PERP: variants seen among roughly 807,000 people sequenced by gnomAD.
PERP encodes p53 apoptosis effector related to PMP-22.
In PERP, 11 loss-of-function variants were observed where a neutral mutation model predicts 20.3. That is an observed-to-expected ratio of 0.54 (90% CI 0.34 to 0.90). The LOEUF (loss-of-function observed/expected upper bound fraction) is 0.90. PERP is among the 40% of genes least tolerant of loss of function. PERP has a pLI of 0.02. For synonymous variants in PERP, 101 were observed against 102.0 expected (o/e 0.99, Z 0.06); for missense variants, 224 against 249.4 (o/e 0.90, Z 0.69).
intron 1 of PERP, among the ~76,000 whole-genome samples, chr6:138,100,646 A>G (rs1456983320): frequency 6.6e-6 from 1 of 152,118 alleles, no homozygotes; most frequent in Non-Finnish European, 1.5e-5. Flanking sequence ...CCACAAAAGC[A>G]TTCAGTACTC....
At position 138,107,355 on chromosome 6, in the gene PERP, C is replaced by T. The variant is rs1227943614; in HGVS notation, c.-15G>A. 1.3e-6 allele frequency: 2 copies of T among 1,573,338 alleles called. No homozygotes were observed. Among genetic ancestry groups the T allele is most frequent in the Non-Finnish European group, 1.7e-6 (2 of 1,165,428 alleles). ...CAGCGGATCATGTTGACGGGCGGCGCGGGGCCGAGCGGAGCGGAGCGGAGC... is the reference window on the plus strand; with the variant it reads ...CAGCGGATCATGTTGACGGGCGGCGTGGGGCCGAGCGGAGCGGAGCGGAGC... On this transcript the variant is annotated 5_prime_UTR_variant, in exon 1 of 3. Coordinates refer to ENST00000421351, the MANE Select transcript of PERP (RefSeq NM_022121.5). The surrounding 1 kb of genome is among the most constrained non-coding windows in gnomAD (Gnocchi z 4.8).
In PERP at chr6:138,106,903, C is replaced by CTTTTTTTTTTTTT. The variant is rs577977770; in HGVS notation, c.214+223_214+224insAAAAAAAAAAAAA. Among the ~76,000 whole-genome samples, 413 of 134,320 alleles carry CTTTTTTTTTTTTT rather than the reference C, an allele frequency of 3.1e-3. 13 individuals are homozygous for CTTTTTTTTTTTTT. The highest frequency in any genetic ancestry group is 6.2e-3 in the South Asian group (25 of 4,048). 88.1% of individuals were successfully genotyped at this position (134,320 alleles called of 152,430 possible). A position where few individuals can be genotyped will look rare whatever the true frequency, so the allele number is the denominator to read the frequency against. ...AAAACTATACAGTTTGAACTACGGC[C>CTTTTTTTTTTTTT]TTTTTTTTTTTTCTGTTTCTGAGCT... On this transcript the variant is annotated intron_variant, in intron 1 of 2. Transcript: ENST00000421351.
At chr6:138,092,948 C>A (rs1775614018) in intron 2 of PERP, among the ~76,000 whole-genome samples, 1 of 152,076 alleles carries the variant, frequency 6.6e-6, no homozygotes, top group Non-Finnish European at 1.5e-5. Context: ...AGCAAATGAT[C>A]ACAGTGCTTA....
chr6:138,105,875 A>T (rs768990036), intron 1 of PERP, among the ~76,000 whole-genome samples: 2 of 152,188 alleles, frequency 1.3e-5, no homozygotes, highest in Non-Finnish European at 2.9e-5. Context: ...GGCACAGTGT[A>T]TGGGTTTTCA....
chr6:138,100,665 T>C (rs1293551824), intron 1 of PERP, among the ~76,000 whole-genome samples: 1 of 152,126 alleles, frequency 6.6e-6, no homozygotes, highest in East Asian at 1.9e-4. Context: ...TCCAGGTAAA[T>C]AGATGCTGCG....
chr6:138,100,107 A>G (rs1775749423), intron 1 of PERP, among the ~76,000 whole-genome samples: 1 of 152,218 alleles, frequency 6.6e-6, no homozygotes, highest in Non-Finnish European at 1.5e-5. Context: ...AAGTAAAGCA[A>G]TCTGCCTTCT....
At chr6:138,096,684 G>A (rs998915243) in intron 1 of PERP, among the ~76,000 whole-genome samples, 190 bp from the exon 2 acceptor site, 1 of 152,132 alleles carries the variant, frequency 6.6e-6, no homozygotes. Flanking sequence ...TCATATGTAG[G>A]ACATTAATAT....
chr6:138,097,526 C>T (rs1015950038), intron 1 of PERP, among the ~76,000 whole-genome samples: 2 of 152,170 alleles, frequency 1.3e-5, no homozygotes, highest in South Asian at 2.1e-4. Flanking sequence ...TTTTTGGTTA[C>T]ATGGCTGAAT....
At chr6:138,093,190 C>T (rs1436628789) in intron 2 of PERP, among the ~76,000 whole-genome samples, 1 of 152,060 alleles carries the variant, frequency 6.6e-6, no homozygotes, top group Non-Finnish European at 1.5e-5. Flanking sequence ...TTTATATGTA[C>T]ATTGCCATGT....
chr6:138,092,383 A>G, intron 2 of PERP, 115 bp from the exon 3 acceptor site: 1 of 939,328 alleles, frequency 1.1e-6, no homozygotes. Context: ...ATAAGTATAA[A>G]ATCTACCTGG....
intron 2 of PERP, among the ~76,000 whole-genome samples, chr6:138,093,250 G>A (rs1307949170): frequency 6.6e-6 from 1 of 152,134 alleles, no homozygotes; most frequent in Non-Finnish European, 1.5e-5. Context: ...CTCTCCACAA[G>A]GAGGGACCAA....
chr6:138,103,000 C>T (rs958040039), intron 1 of PERP, among the ~76,000 whole-genome samples: 2 of 151,286 alleles, frequency 1.3e-5, no homozygotes, highest in East Asian at 4.0e-4. Context: ...TCGGGAGGCT[C>T]AGGCAGGAGA....
rs577977770 is a variant in PERP, at chr6:138,106,903, C to CTTTTTTTTTTTTTT, written c.214+223_214+224insAAAAAAAAAAAAAA. ...AAAACTATACAGTTTGAACTACGGC[C>CTTTTTTTTTTTTTT]TTTTTTTTTTTTCTGTTTCTGAGCT... On this transcript the variant is annotated intron_variant, in intron 1 of 2. Coordinates refer to ENST00000421351, the MANE Select transcript of PERP (RefSeq NM_022121.5). 3.1e-4 allele frequency among the ~76,000 whole-genome samples: 42 copies of CTTTTTTTTTTTTTT among 134,430 alleles called. 2 individuals carry two copies. The highest frequency in any genetic ancestry group is 3.9e-4 in the African/African-American group (14 of 35,932). The allele number at this position is 134,430 out of a possible 152,430, so 88.2% of individuals were successfully genotyped here.
chr6:138,105,135 G>A (rs1435808541), intron 1 of PERP, among the ~76,000 whole-genome samples: 5 of 152,188 alleles, frequency 3.3e-5, no homozygotes, highest in African/African-American at 7.2e-5. Context: ...AGCAAGAGCC[G>A]TGTGTAATGC....
At chr6:138,092,424 A>C (rs1289800210) in intron 2 of PERP, among the ~76,000 whole-genome samples, 156 bp from the exon 3 acceptor site, 1 of 152,232 alleles carries the variant, frequency 6.6e-6, no homozygotes, top group Non-Finnish European at 1.5e-5. Context: ...GGCAGAGGCC[A>C]AAAAAGATTC....
intron 2 of PERP, among the ~76,000 whole-genome samples, chr6:138,094,998 G>A (rs1775656601): frequency 1.3e-5 from 2 of 152,172 alleles, no homozygotes; most frequent in Admixed American, 1.3e-4. Flanking sequence ...TAGGATTATA[G>A]GCATGAGCCA....
rs539277109 is a variant in PERP at position 138,093,817 on chromosome 6, A to T, written c.356-1549T>A. Among the ~76,000 whole-genome samples, 27 of 152,340 alleles carry T rather than the reference A, an allele frequency of 1.8e-4. No homozygotes were observed. The South Asian group carries it at 5.6e-3, about 32-fold the overall frequency. On this transcript the variant is annotated intron_variant, in intron 2 of 2. Coordinates refer to ENST00000421351, the MANE Select transcript of PERP (RefSeq NM_022121.5). ...TCTATGAAACATACCTTAAAAGTCAAATAGGCCTTATTCAGCATTACTACT... is the reference window on the plus strand; with the variant it reads ...TCTATGAAACATACCTTAAAAGTCATATAGGCCTTATTCAGCATTACTACT...
rs1775587923 is a variant in PERP, at chr6:138,091,842, T to C, written c.*200A>G. On this transcript the variant is annotated 3_prime_UTR_variant, in exon 3 of 3. Coordinates refer to ENST00000421351, the MANE Select transcript of PERP (RefSeq NM_022121.5). ...TAGGTAATTAGTGAAAAGACACAACTTCACAAAACATAATAAAAGATAAAC... is the reference window on the plus strand; with the variant it reads ...TAGGTAATTAGTGAAAAGACACAACCTCACAAAACATAATAAAAGATAAAC... 1.9e-6 allele frequency: 1 copy of C among 535,888 alleles called. No homozygotes were observed. The highest frequency in any genetic ancestry group is 3.4e-5 in the Admixed American group (1 of 29,328). 33.2% of individuals were successfully genotyped at this position (535,888 alleles called of 1,614,324 possible). A position where few individuals can be genotyped will look rare whatever the true frequency, so the allele number is the denominator to read the frequency against.
In PERP at chr6:138,089,291, G is replaced by A. The variant is rs140137107; in HGVS notation, c.*2751C>T. 4.2e-3 allele frequency: 630 copies of A among 151,632 alleles called. 6 individuals carry two copies. Among genetic ancestry groups the A allele is most frequent in the African/African-American group, 0.014 (590 of 41,368 alleles). The allele number at this position is 151,632 out of a possible 1,614,324, so 9.4% of individuals were successfully genotyped here. ...AGTTTACAGAAAAAAAAAATAAACC[G>A]AATTAAGTTATGATGACTATATTTT... is the stretch of plus-strand genomic sequence containing the variant. On this transcript the variant is annotated 3_prime_UTR_variant, in exon 3 of 3. Transcript: ENST00000421351.
Sources: gnomAD v4.1 joint callset for allele counts (sites outside exome capture counted in the v4.1 genomes callset) on GRCh38, gnomAD v4.1.1 for gene constraint, Gnocchi (gnomAD v3.1) non-coding constraint, MANE v1.5 for transcripts, NCBI Gene and HGNC (gene_info 2026-07-23, HGNC 2026-07-21) for gene names.